Variants in PDPR observed in about 807,000 individuals in gnomAD.
PDPR encodes pyruvate dehydrogenase phosphatase regulatory subunit, mitochondrial.
In PDPR, 50 loss-of-function variants were observed where a neutral mutation model predicts 102.2. The ratio of observed to expected loss-of-function variants is 0.49; its 90% CI spans 0.39 to 0.62. The LOEUF (loss-of-function observed/expected upper bound fraction) is 0.62. Ranked by LOEUF, PDPR falls within the 20% of genes least tolerant of loss-of-function variation. The probability of loss-of-function intolerance (pLI) is 0.00; values close to 1 mark genes in which losing one functional copy is unlikely to be tolerated. For missense variants in PDPR, 625 were observed against 1,098.2 expected (o/e 0.57, Z 6.09); for synonymous variants, 259 against 406.0 (o/e 0.64, Z 4.35).
intron 16 of PDPR, among the ~76,000 whole-genome samples, chr16:70,148,232 A>G (rs1351251220): frequency 2.6e-5 from 4 of 152,348 alleles, no homozygotes; most frequent in African/African-American, 9.6e-5. Flanking sequence ...CAGCTTGGCT[A>G]AAACTCCTGA....
At chr16:70,154,391 C>T (rs1266501001) in intron 18 of PDPR, among the ~76,000 whole-genome samples, 6 of 152,270 alleles carry the variant, frequency 3.9e-5, no homozygotes, top group African/African-American at 1.4e-4. Context: ...CAACTGTAAT[C>T]CTAGCACTTT....
At chr16:70,126,795 G>T (rs1964022893) in intron 3 of PDPR, among the ~76,000 whole-genome samples, 1 of 152,256 alleles carries the variant, frequency 6.6e-6, no homozygotes, top group Non-Finnish European at 1.5e-5. Context: ...CAAAGTGCTG[G>T]GATTACAGGC....
intron 3 of PDPR, among the ~76,000 whole-genome samples, chr16:70,124,658 A>G (rs1291415437): frequency 6.6e-6 from 1 of 152,256 alleles, no homozygotes; most frequent in Non-Finnish European, 1.5e-5. Context: ...AAGCTGCTCA[A>G]GGAGTGCTAT....
rs142629299 is a variant in PDPR, at chr16:70,127,256, G to T, written c.228-4G>T. 0.061 allele frequency: 96,398 copies of T among 1,577,424 alleles called. 585 individuals are homozygous for T. The highest frequency in any genetic ancestry group is 0.068 in the Middle Eastern group (401 of 5,892). Reference sequence around the variant, plus strand: ...CCTAATAGCATTTTGCATCCATCCTGCAGGCTGGCTGCTGGCTCTACCAGG... The same window carrying T: ...CCTAATAGCATTTTGCATCCATCCTTCAGGCTGGCTGCTGGCTCTACCAGG... On this transcript the variant is annotated splice_polypyrimidine_tract_variant and splice_region_variant and intron_variant, in intron 3 of 18. Coordinates refer to ENST00000288050, the MANE Select transcript of PDPR (RefSeq NM_017990.5).
intron 14 of PDPR, among the ~76,000 whole-genome samples, chr16:70,144,068 A>G (rs1165304457): frequency 6.6e-6 from 1 of 152,088 alleles, no homozygotes; most frequent in African/African-American, 2.4e-5. Flanking sequence ...GTTTTTGTAT[A>G]TTTTGTAGAG....
Position 70,159,743 on chromosome 16 carries a change from G to A in PDPR, c.*2864G>A, listed in dbSNP as rs1967604945. The stretch of plus-strand genomic sequence containing the variant: ...AGATATCAGAGCATTCTGGACTCCT[G>A]AGAGGCAGTGGCCTCTTGAGTGAAC... On this transcript the variant is annotated 3_prime_UTR_variant, in exon 19 of 19. Coordinates refer to ENST00000288050, the MANE Select transcript of PDPR (RefSeq NM_017990.5). 1 of 152,764 alleles carries A rather than the reference G, an allele frequency of 6.5e-6. No individual in the cohort carries two copies. Among genetic ancestry groups the A allele is most frequent in the Non-Finnish European group, 1.5e-5 (1 of 68,436 alleles). 9.5% of individuals were successfully genotyped at this position (152,764 alleles called of 1,614,324 possible).
intron 2 of PDPR, among the ~76,000 whole-genome samples, chr16:70,119,291 T>C (rs1962975424): frequency 1.3e-5 from 2 of 151,702 alleles, no homozygotes; most frequent in South Asian, 2.1e-4. Context: ...TACCATCCGC[T>C]CTCCACCATG....
At chr16:70,150,892 A>G (rs1380052680) in intron 17 of PDPR, among the ~76,000 whole-genome samples, 1 of 152,248 alleles carries the variant, frequency 6.6e-6, no homozygotes, top group Non-Finnish European at 1.5e-5. Flanking sequence ...CAGTCATCCC[A>G]CTTCAGCTTC....
intron 3 of PDPR, among the ~76,000 whole-genome samples, chr16:70,121,553 G>A (rs527622897): frequency 3.3e-5 from 5 of 152,090 alleles, no homozygotes; most frequent in East Asian, 1.9e-4. Context: ...TTAGCTGGGC[G>A]TGGTGGTGTG....
At chr16:70,116,889 T>G (rs1007089007) in intron 2 of PDPR, among the ~76,000 whole-genome samples, 6 of 152,072 alleles carry the variant, frequency 3.9e-5, no homozygotes, top group African/African-American at 1.2e-4. Flanking sequence ...GTTACTGTGT[T>G]TGTTCTGCCA....
intron 3 of PDPR, among the ~76,000 whole-genome samples, chr16:70,126,363 A>T (rs1208924629): frequency 8.4e-4 from 127 of 152,056 alleles, no homozygotes; most frequent in African/African-American, 3.0e-3. Context: ...TTTTATCTTT[A>T]TTTTTTTTAC....
chr16:70,115,745 TTTAGCAGAAGTTATTCTTC>T (rs1391817780), intron 2 of PDPR, among the ~76,000 whole-genome samples: 3 of 152,094 alleles, frequency 2.0e-5, no homozygotes, highest in African/African-American at 7.2e-5. Flanking sequence ...CTTATGGTTG[TTTAGCAGAAGTTATTCTTC>T]TTAGCAGAGA....
chr16:70,161,382 C>G lies in PDPR; in HGVS notation c.*4503C>G, dbSNP rs1967776205. On this transcript the variant is annotated 3_prime_UTR_variant, in exon 19 of 19. Coordinates refer to ENST00000288050, the MANE Select transcript of PDPR (RefSeq NM_017990.5). ...TCTAATTTTCCTGCTGCACCCCATC[C>G]CCCACACACCCCTCACGAACATTGA... 6.5e-6 allele frequency: 1 copy of G among 153,752 alleles called. No individual in the cohort carries two copies. The highest frequency in any genetic ancestry group is 2.4e-5 in the African/African-American group (1 of 41,474). The allele number at this position is 153,752 out of a possible 1,614,324, so 9.5% of individuals were successfully genotyped here.
chr16:70,120,308 C>T (rs892130367), intron 2 of PDPR, 153 bp from the exon 3 acceptor site: 2 of 570,856 alleles, frequency 3.5e-6, no homozygotes, highest in Non-Finnish European at 6.4e-6. Context: ...CCTTGGCCTC[C>T]CAGAGTGCTG....
intron 3 of PDPR, among the ~76,000 whole-genome samples, chr16:70,126,452 C>G (rs1207053040): frequency 6.6e-6 from 1 of 152,276 alleles, no homozygotes; most frequent in Non-Finnish European, 1.5e-5. Context: ...CAAGCTCCAC[C>G]TCCCGGGTTC....
At chr16:70,127,973 G>A (rs1351368194) in intron 4 of PDPR, among the ~76,000 whole-genome samples, 1 of 151,730 alleles carries the variant, frequency 6.6e-6, no homozygotes, top group African/African-American at 2.4e-5. Flanking sequence ...TTGAGATGGT[G>A]ACCTCTAGTC....
chr16:70,122,608 G>T (rs3972160), intron 3 of PDPR, among the ~76,000 whole-genome samples: 14 of 152,344 alleles, frequency 9.2e-5, no homozygotes, highest in South Asian at 4.1e-4. Flanking sequence ...CCCTTGTAAT[G>T]GGCCAGTGCC....
At chr16:70,162,946 C>A (rs1462427152), downstream of PDPR, among the ~76,000 whole-genome samples, 1 of 152,276 alleles carries the variant, frequency 6.6e-6, no homozygotes, top group Admixed American at 6.5e-5. Flanking sequence ...CTGGACTTGA[C>A]CTGTTCACTA....
Position 70,118,489 on chromosome 16 carries a change from C to T in PDPR, c.-32-1972C>T, listed in dbSNP as rs771670763. On this transcript the variant is annotated intron_variant, in intron 2 of 18. Transcript: ENST00000288050. Reference sequence around the variant, plus strand: ...GTTTTCAAGTATAACCGAGTGGTCACGGGTCAGAAGCCAGGAGGTTGACAG... The same window carrying T: ...GTTTTCAAGTATAACCGAGTGGTCATGGGTCAGAAGCCAGGAGGTTGACAG... 1.4e-4 allele frequency among the ~76,000 whole-genome samples: 21 copies of T among 152,250 alleles called. No homozygotes were observed. The South Asian group carries it at 2.1e-3, about 15-fold the overall frequency.
Sources: allele counts gnomAD v4.1 joint callset (sites outside exome capture counted in the v4.1 genomes callset), GRCh38; gene constraint gnomAD v4.1.1; transcripts MANE v1.5; gene names NCBI Gene and HGNC (gene_info 2026-07-23, HGNC 2026-07-21).